Variants in GAB2 observed in about 807,000 individuals in gnomAD.
GAB2 encodes the protein GRB2-associated-binding protein 2.
In GAB2, 26 loss-of-function variants were observed where a neutral mutation model predicts 65.5. That is an observed-to-expected ratio of 0.40 (90% CI 0.29 to 0.55). The LOEUF (loss-of-function observed/expected upper bound fraction) is 0.55, where lower values mean the gene tolerates loss of function less well. Among genes scored for constraint, GAB2 ranks in the 20% least tolerant of loss-of-function variants. The pLI is 0.53. For synonymous variants in GAB2, 321 were observed against 329.6 expected, an observed-to-expected ratio of 0.97 and a Z score of 0.28; for missense variants, 884 against 875.8, an observed-to-expected ratio of 1.01 and a Z score of -0.12.
rs544686843 is a variant in GAB2, at chr11:78,312,229, G to C, written c.76-31328C>G. 4.0e-5 allele frequency among the ~76,000 whole-genome samples: 6 copies of C among 148,958 alleles called. No homozygotes were observed. The East Asian group carries it at 1.2e-3, about 29-fold the overall frequency. ...TAATTTCCCTACAGTTCTTCAATAAGAAAGTAAGAGGAAAACAAGAGGGAG... is the reference window on the plus strand; with the variant it reads ...TAATTTCCCTACAGTTCTTCAATAACAAAGTAAGAGGAAAACAAGAGGGAG... On this transcript the variant is annotated intron_variant, in intron 1 of 9. Transcript: ENST00000361507.
intron 1 of GAB2, among the ~76,000 whole-genome samples, chr11:78,313,510 C>T (rs1002956641): frequency 2.0e-5 from 3 of 152,100 alleles, no homozygotes; most frequent in African/African-American, 7.2e-5. Context: ...TCTGGTATTG[C>T]CCCACCTCAG....
At chr11:78,328,125 T>A (rs1591041865) in intron 1 of GAB2, among the ~76,000 whole-genome samples, 1 of 152,202 alleles carries the variant, frequency 6.6e-6, no homozygotes, top group African/African-American at 2.4e-5. Flanking sequence ...CCTTGGACCC[T>A]TCCCTGAGCA....
At chr11:78,258,799 G>C (rs1337889707) in intron 2 of GAB2, among the ~76,000 whole-genome samples, 1 of 151,820 alleles carries the variant, frequency 6.6e-6, no homozygotes, top group East Asian at 1.9e-4. Flanking sequence ...TACAATATAT[G>C]AATCAGTTAT....
chr11:78,234,651 T>C (rs1360323921), intron 3 of GAB2, among the ~76,000 whole-genome samples: 2 of 150,062 alleles, frequency 1.3e-5, no homozygotes, highest in Admixed American at 1.3e-4. Context: ...TATGTATTTA[T>C]ATATATTTCT....
chr11:78,364,515 G>A (rs1438078933), intron 1 of GAB2, among the ~76,000 whole-genome samples: 1 of 152,094 alleles, frequency 6.6e-6, no homozygotes, highest in African/African-American at 2.4e-5. Context: ...ATTTTACTTT[G>A]AAAATACTGG....
intron 2 of GAB2, among the ~76,000 whole-genome samples, chr11:78,254,329 C>A (rs1353250203): frequency 6.6e-6 from 1 of 152,012 alleles, no homozygotes; most frequent in Admixed American, 6.6e-5. Flanking sequence ...AAGAATTTTC[C>A]CTGGCGCAAA....
At chr11:78,261,109 T>G (rs950768348) in intron 2 of GAB2, among the ~76,000 whole-genome samples, 1 of 152,054 alleles carries the variant, frequency 6.6e-6, no homozygotes, top group Non-Finnish European at 1.5e-5. Flanking sequence ...CTGAGATATA[T>G]ATATATCTCA....
chr11:78,317,500 C>T (rs1364716749), intron 1 of GAB2, among the ~76,000 whole-genome samples: 1 of 133,102 alleles, frequency 7.5e-6, no homozygotes, highest in East Asian at 2.3e-4. Context: ...GCGGAGGTTG[C>T]AGTGAGCTGA....
intron 1 of GAB2, among the ~76,000 whole-genome samples, chr11:78,289,877 G>C (rs1322046744): frequency 7.2e-6 from 1 of 138,760 alleles, no homozygotes; most frequent in Non-Finnish European, 1.5e-5. Context: ...ACCAAGGCCT[G>C]GGCATGGGAA....
At chr11:78,222,999 G>A (rs928890902) in intron 6 of GAB2, among the ~76,000 whole-genome samples, 4 of 152,190 alleles carry the variant, frequency 2.6e-5, no homozygotes, top group Non-Finnish European at 5.9e-5. Flanking sequence ...AGGGCTTGAG[G>A]GCTTCAGTTC....
chr11:78,394,939 G>A (rs555794232), intron 1 of GAB2, among the ~76,000 whole-genome samples: 6 of 152,334 alleles, frequency 3.9e-5, no homozygotes, highest in African/African-American at 1.4e-4. Context: ...CACAGACAGT[G>A]CTAGACAGGC....
chr11:78,343,831 T>C (rs991102205), intron 1 of GAB2, among the ~76,000 whole-genome samples: 1 of 152,230 alleles, frequency 6.6e-6, no homozygotes, highest in Admixed American at 6.5e-5. Flanking sequence ...TATACATATT[T>C]ATCTTTACTT....
intron 3 of GAB2, among the ~76,000 whole-genome samples, chr11:78,229,806 T>C (rs952444535): frequency 1.1e-4 from 16 of 152,330 alleles, no homozygotes; most frequent in Admixed American, 2.6e-4. Flanking sequence ...TAGTCAAGCA[T>C]TGGGCTTTGC....
At chr11:78,365,443 G>T (rs564675011) in intron 1 of GAB2, among the ~76,000 whole-genome samples, 1 of 152,330 alleles carries the variant, frequency 6.6e-6, no homozygotes, top group African/African-American at 2.4e-5. Flanking sequence ...CAGTGCTAAT[G>T]CAGCGCCCTC....
intron 2 of GAB2, among the ~76,000 whole-genome samples, chr11:78,274,751 G>A (rs1327243952): frequency 6.6e-6 from 1 of 152,186 alleles, no homozygotes; most frequent in African/African-American, 2.4e-5. Context: ...AGTAAGCAGA[G>A]AGAACCTCAG....
intron 2 of GAB2, among the ~76,000 whole-genome samples, chr11:78,267,655 G>C (rs1434604235): frequency 1.3e-5 from 2 of 151,694 alleles, no homozygotes; most frequent in Non-Finnish European, 2.9e-5. Context: ...TCAGGAGATC[G>C]AGACCATCCT....
chr11:78,217,266 CTT>C lies in GAB2; in HGVS notation c.*2004_*2005del, dbSNP rs1284622233. 1.3e-5 allele frequency: 2 copies of C among 152,296 alleles called. No homozygotes were observed. The highest frequency in any genetic ancestry group is 2.9e-5 in the Non-Finnish European group (2 of 68,076). 9.4% of individuals were successfully genotyped at this position (152,296 alleles called of 1,614,324 possible). A position where few individuals can be genotyped will look rare whatever the true frequency, so the allele number is the denominator to read the frequency against. ...TTGTCCTTTTTCTGATTGTGGCTAT[CTT>C]AAGTTCAGGGAGAAGGTCTGATTGA... is the stretch of plus-strand genomic sequence containing the variant. On this transcript the variant is annotated 3_prime_UTR_variant, in exon 10 of 10. Coordinates refer to ENST00000361507, the MANE Select transcript of GAB2 (RefSeq NM_080491.3).
chr11:78,374,355 C>A (rs530021601), intron 1 of GAB2, among the ~76,000 whole-genome samples: 19 of 152,288 alleles, frequency 1.2e-4, no homozygotes, highest in Admixed American at 1.2e-3. Context: ...TTTGTCGAGC[C>A]ATTTCTGAAC....
chr11:78,405,306 G>T (rs1283785151), intron 1 of GAB2, among the ~76,000 whole-genome samples: 11 of 152,074 alleles, frequency 7.2e-5, no homozygotes, highest in Non-Finnish European at 1.0e-4. Flanking sequence ...CGCTGTGTTA[G>T]CCAGGATGGT....
Sources: gnomAD v4.1 joint callset for allele counts (sites outside exome capture counted in the v4.1 genomes callset) on GRCh38, gnomAD v4.1.1 for gene constraint, MANE v1.5 for transcripts, NCBI Gene and HGNC (gene_info 2026-07-23, HGNC 2026-07-21) for gene names.